Variants in DDC observed in about 807,000 individuals in gnomAD.
The protein encoded by DDC is dopa decarboxylase.
DDC carries 43 observed loss-of-function variants against 60.0 expected under a neutral mutation model. That is an observed-to-expected ratio of 0.72 (90% CI 0.56 to 0.92). The LOEUF is 0.92. DDC is among the 40% of genes least tolerant of loss of function. The pLI, the probability that DDC is intolerant of heterozygous loss-of-function variation, is 0.00. For missense variants in DDC, 573 were observed against 620.2 expected (o/e 0.92, Z 0.81); for synonymous variants, 232 against 234.6 (o/e 0.99, Z 0.10).
chr7:50,509,060 T>C (rs1042205765), intron 6 of DDC, among the ~76,000 whole-genome samples: 1 of 151,986 alleles, frequency 6.6e-6, no homozygotes, highest in Non-Finnish European at 1.5e-5. Context: ...CCTCTACCCA[T>C]GTATATATGC....
intron 7 of DDC, 102 bp downstream of exon 7, chr7:50,503,890 CA>C: frequency 9.2e-6 from 8 of 865,826 alleles, no homozygotes; most frequent in South Asian, 9.2e-5. Context: ...CAAACCATCA[CA>C]ATATGAAGTT....
At chr7:50,549,374 C>G (rs780486316) in intron 1 of DDC, among the ~76,000 whole-genome samples, 5 of 152,088 alleles carry the variant, frequency 3.3e-5, no homozygotes, top group African/African-American at 1.2e-4. Context: ...ATTTGTGGGC[C>G]GGGCGCAGTG....
intron 2 of DDC, chr7:50,543,330 A>G: frequency 5.5e-6 from 1 of 182,310 alleles, no homozygotes; most frequent in South Asian, 1.2e-4. Context: ...TGAGTATCGG[A>G]GACAGCAGCC....
chr7:50,476,702 C>T (rs960442187), intron 10 of DDC, 59 bp from the exon 11 acceptor site: 18 of 1,458,916 alleles, frequency 1.2e-5, no homozygotes, highest in Middle Eastern at 1.7e-4. Flanking sequence ...GTTGATCACA[C>T]GCTAATCCTT....
At chr7:50,501,330 A>T (rs2043251316) in intron 7 of DDC, among the ~76,000 whole-genome samples, 1 of 152,128 alleles carries the variant, frequency 6.6e-6, no homozygotes, top group Non-Finnish European at 1.5e-5. Flanking sequence ...AACTCAGCCC[A>T]TACCCTCGTC....
intron 6 of DDC, among the ~76,000 whole-genome samples, chr7:50,518,036 C>T (rs2043785626): frequency 6.6e-6 from 1 of 151,600 alleles, no homozygotes; most frequent in Non-Finnish European, 1.5e-5. Context: ...GGTGAAACCC[C>T]ATCTCTACTA....
At chr7:50,474,029 T>G (rs1192330999) in intron 11 of DDC, among the ~76,000 whole-genome samples, 1 of 152,056 alleles carries the variant, frequency 6.6e-6, no homozygotes, top group Non-Finnish European at 1.5e-5. Context: ...GGGGCTGCCT[T>G]GAGATGGGGT....
Position 50,539,998 on chromosome 7 carries a change from C to A in DDC, c.232G>T (p.Ala78Ser), listed in dbSNP as rs140276979. The A allele has an allele frequency of 4.3e-6, 7 of 1,613,740 alleles. No homozygotes were observed. The African/African-American group carries it at 9.3e-5, about 22-fold the overall frequency. ...VTHWHSPYFFAYFPTASSYPA... is the reference protein window; with the variant it reads ...VTHWHSPYFFSYFPTASSYPA... ...TACGAGCTGGCAGTGGGGAAGTAGG[C>A]GAAGAAGTAGGGGCTGTGCCAGTGC... Residue 78 changes from alanine (A) to serine (S), a missense_variant, in exon 3 of 15, where the codon GCC (alanine) becomes TCC (serine). Physicochemically the swap from Ala to Ser is moderately conservative, Grantham distance 99 (BLOSUM62 1). Coordinates refer to ENST00000444124, the MANE Select transcript of DDC (RefSeq NM_001082971.2).
chr7:50,540,495 C>A lies in DDC; in HGVS notation c.202-467G>T, dbSNP rs3807557. 2.4e-3 allele frequency among the ~76,000 whole-genome samples: 256 copies of A among 107,792 alleles called. 1 individual carries two copies. The highest frequency in any genetic ancestry group is 4.8e-3 in the African/African-American group (127 of 26,444). The allele number at this position is 107,792 out of a possible 152,430, so 70.7% of individuals were successfully genotyped here. The stretch of plus-strand genomic sequence containing the variant: ...TCTCCATTAAAAACAAACAAACAAA[C>A]AAAAAAAAAAACCAAGCTCTGGATT... On this transcript the variant is annotated intron_variant, in intron 2 of 14. Coordinates refer to ENST00000444124, the MANE Select transcript of DDC (RefSeq NM_001082971.2).
intron 10 of DDC, among the ~76,000 whole-genome samples, chr7:50,478,506 C>T (rs1286286909): frequency 1.3e-5 from 2 of 152,168 alleles, no homozygotes; most frequent in East Asian, 3.9e-4. Flanking sequence ...GAAAGAAAAA[C>T]TGGAGGCTTT....
intron 6 of DDC, among the ~76,000 whole-genome samples, chr7:50,512,931 A>C (rs1239866571): frequency 1.3e-5 from 2 of 152,228 alleles, no homozygotes; most frequent in African/African-American, 2.4e-5. Context: ...AAAATAACTG[A>C]AAGAACCTTA....
intron 6 of DDC, among the ~76,000 whole-genome samples, chr7:50,518,211 C>CAA (rs58099021): frequency 0.018 from 2,257 of 125,416 alleles, 33 homozygotes; most frequent in African/African-American, 0.027. Context: ...GACTCCATCT[C>CAA]AAAAAAAAAA....
intron 11 of DDC, 148 bp downstream of exon 11, chr7:50,476,476 C>G (rs2042646245): frequency 2.7e-6 from 2 of 750,380 alleles, no homozygotes; most frequent in East Asian, 5.2e-5. Flanking sequence ...CTGGCAGGAC[C>G]CCCCTAATTT....
At chr7:50,514,519 T>A (rs976104554) in intron 6 of DDC, among the ~76,000 whole-genome samples, 2 of 152,212 alleles carry the variant, frequency 1.3e-5, no homozygotes, top group East Asian at 3.8e-4. Context: ...AGAAGGTTAG[T>A]TATTAAGCTA....
intron 14 of DDC, among the ~76,000 whole-genome samples, 155 bp downstream of exon 14, chr7:50,463,058 G>A (rs988706654): frequency 2.4e-4 from 37 of 152,152 alleles, no homozygotes; most frequent in African/African-American, 4.8e-4. Flanking sequence ...GTGAGCCACC[G>A]CACCCGGCCT....
rs187421443 is a variant in DDC at position 50,554,388 on chromosome 7, A to C, written c.-28-10275T>G. Reference sequence around the variant, plus strand: ...CCTTTATACCTGAAACTGCCGTGAAAGTCTATTAATTTTCTTTAAGTAAAA... The same window carrying C: ...CCTTTATACCTGAAACTGCCGTGAACGTCTATTAATTTTCTTTAAGTAAAA... On this transcript the variant is annotated intron_variant, in intron 1 of 14. Transcript: ENST00000444124. Among the ~76,000 whole-genome samples, 271 of 151,518 alleles carry C rather than the reference A, an allele frequency of 1.8e-3. 4 individuals carry two copies. Among genetic ancestry groups the C allele is most frequent in the Non-Finnish European group, 3.8e-4 (26 of 67,892 alleles).
intron 6 of DDC, among the ~76,000 whole-genome samples, chr7:50,518,417 G>A (rs752725059): frequency 1.3e-4 from 20 of 151,958 alleles, no homozygotes; most frequent in Non-Finnish European, 2.6e-4. Flanking sequence ...CCAAAAAAGA[G>A]CCAGCATAGT....
intron 11 of DDC, among the ~76,000 whole-genome samples, chr7:50,473,701 C>T (rs957157909): frequency 6.6e-6 from 1 of 152,268 alleles, no homozygotes; most frequent in African/African-American, 2.4e-5. Flanking sequence ...ACTGTCCCCA[C>T]ATGGCTCCTG....
chr7:50,558,201 C>T (rs7803788), intron 1 of DDC, among the ~76,000 whole-genome samples: 35,097 of 151,640 alleles, frequency 0.23, 4,268 homozygotes, highest in East Asian at 0.42. Flanking sequence ...TGAGACAATT[C>T]GAATTATGTT....
Sources: allele counts gnomAD v4.1 joint callset (sites outside exome capture counted in the v4.1 genomes callset), GRCh38; gene constraint gnomAD v4.1.1; transcripts MANE v1.5; gene names NCBI Gene and HGNC (gene_info 2026-07-23, HGNC 2026-07-21).